OTOGL: variants seen among roughly 807,000 people sequenced by gnomAD.
The protein encoded by OTOGL is otogelin like.
In OTOGL, 285 loss-of-function variants were observed where a neutral mutation model predicts 318.5. The ratio of observed to expected loss-of-function variants is 0.89; its 90% CI spans 0.81 to 0.99. OTOGL has a LOEUF of 0.99. Among genes scored for constraint, OTOGL ranks in the 50% least tolerant of loss-of-function variants. The pLI is 0.00. For synonymous variants in OTOGL, 987 were observed against 936.5 expected (o/e 1.05, Z -0.99); for missense variants, 2,899 against 2,845.6 (o/e 1.02, Z -0.43).
At chr12:80,218,316 T>C (rs1032688956) in intron 5 of OTOGL, among the ~76,000 whole-genome samples, 2 of 152,196 alleles carry the variant, frequency 1.3e-5, no homozygotes, top group Non-Finnish European at 1.5e-5. Context: ...AAACAGCATA[T>C]TTTTTCCTCA....
intron 1 of OTOGL, chr12:80,130,993 G>A (rs1196800916): frequency 6.6e-6 from 1 of 152,116 alleles, no homozygotes; most frequent in Non-Finnish European, 1.5e-5. Context: ...CCCCCCAAAG[G>A]GTTTGGGGAG....
At chr12:80,119,493 G>A (rs1454336168) in intron 1 of OTOGL, among the ~76,000 whole-genome samples, 2 of 152,310 alleles carry the variant, frequency 1.3e-5, no homozygotes, top group East Asian at 3.9e-4. Flanking sequence ...AATGTCGGCC[G>A]TTGTGATTAC....
chr12:80,136,660 G>A (rs7294710), intron 1 of OTOGL, among the ~76,000 whole-genome samples: 97,313 of 151,956 alleles, frequency 0.64, 31,978 homozygotes, highest in African/African-American at 0.78. Context: ...CTAGGCAGCT[G>A]TGAACAACGG....
At chr12:80,132,503 A>C (rs1871302774) in intron 1 of OTOGL, 1 of 152,168 alleles carries the variant, frequency 6.6e-6, no homozygotes, top group African/African-American at 2.4e-5. Context: ...AACTTAATCC[A>C]TGCAGCTAAG....
At chr12:80,142,958 G>T (rs947957493) in intron 1 of OTOGL, among the ~76,000 whole-genome samples, 6 of 152,044 alleles carry the variant, frequency 3.9e-5, no homozygotes, top group Non-Finnish European at 8.8e-5. Flanking sequence ...TGGAGGACTT[G>T]GGACCACTCA....
chr12:80,297,344 T>TCC (rs1885476987), intron 27 of OTOGL, among the ~76,000 whole-genome samples: 1 of 151,414 alleles, frequency 6.6e-6, no homozygotes, highest in African/African-American at 2.4e-5. Flanking sequence ...TTTTTTTTTT[T>TCC]TTTTTGAGAC....
chr12:80,259,131 G>A (rs996537851), intron 18 of OTOGL, among the ~76,000 whole-genome samples: 5 of 150,420 alleles, frequency 3.3e-5, no homozygotes, highest in Non-Finnish European at 7.4e-5. Context: ...TTTAGTGTTA[G>A]GCAAGGATCA....
intron 42 of OTOGL, among the ~76,000 whole-genome samples, chr12:80,337,887 C>CAT (rs1230746382): frequency 1.3e-5 from 2 of 151,978 alleles, no homozygotes; most frequent in African/African-American, 2.4e-5. Flanking sequence ...ATAGCATTTG[C>CAT]ATATACCTTT....
At chr12:80,317,370 CTG>C (rs1180098454) in intron 32 of OTOGL, among the ~76,000 whole-genome samples, 1 of 152,128 alleles carries the variant, frequency 6.6e-6, no homozygotes, top group Admixed American at 6.6e-5. Flanking sequence ...TACCAATTAA[CTG>C]AGAGTCAATT....
intron 37 of OTOGL, among the ~76,000 whole-genome samples, chr12:80,330,041 G>A (rs1003756737): frequency 7.2e-5 from 11 of 152,210 alleles, no homozygotes; most frequent in African/African-American, 2.4e-4. Context: ...AGGACAGCAT[G>A]TGCAAAGTCT....
chr12:80,358,383 A>T (rs755813630), intron 50 of OTOGL, 34 bp downstream of exon 50: 1 of 1,469,934 alleles, frequency 6.8e-7, no homozygotes, highest in Non-Finnish European at 9.3e-7. Context: ...AAATATTTAG[A>T]TGTGTCCAAT....
At chr12:80,323,629 A>T in intron 34 of OTOGL, 94 bp from the exon 35 acceptor site, 1 of 939,050 alleles carries the variant, frequency 1.1e-6, no homozygotes, top group Non-Finnish European at 1.6e-6. Context: ...AGCCTGAGTG[A>T]CAGAGCGAGA....
At chr12:80,157,478 G>C (rs1014784885) in intron 1 of OTOGL, among the ~76,000 whole-genome samples, 6 of 152,084 alleles carry the variant, frequency 3.9e-5, no homozygotes, top group Non-Finnish European at 7.4e-5. Flanking sequence ...TACTTATAGA[G>C]TACTACTCAA....
In OTOGL at chr12:80,318,569, C is replaced by T. The variant is rs1887118961; in HGVS notation, c.3658C>T (p.Leu1220=). Residue 1220 remains leucine, a synonymous_variant, in exon 33 of 59, where the codon CTG becomes TTG. Transcript: ENST00000547103. The part of the protein sequence containing the change: ...NEGLGEGPYM[L]ASYGQSGLVL... Reference sequence around the variant, plus strand: ...AGGACTTGGAGAAGGACCATATATGCTGGCAAGCTATGGGCAGAGTGGCCT... The same window carrying T: ...AGGACTTGGAGAAGGACCATATATGTTGGCAAGCTATGGGCAGAGTGGCCT... 2 of 1,372,550 alleles carry T rather than the reference C, an allele frequency of 1.5e-6. No individual in the cohort carries two copies. Among genetic ancestry groups the T allele is most frequent in the Non-Finnish European group, 1.9e-6 (2 of 1,060,526 alleles). 85.0% of individuals were successfully genotyped at this position (1,372,550 alleles called of 1,614,324 possible). A position where few individuals can be genotyped will look rare whatever the true frequency, so the allele number is the denominator to read the frequency against.
chr12:80,201,061 G>T (rs1028143790), intron 1 of OTOGL, among the ~76,000 whole-genome samples: 1 of 152,178 alleles, frequency 6.6e-6, no homozygotes, highest in Non-Finnish European at 1.5e-5. Flanking sequence ...CCACAACCCT[G>T]TGGCACCTCC....
rs1420025033 is a variant in OTOGL at position 80,354,681 on chromosome 12, A to G, written c.5594-1055A>G. On this transcript the variant is annotated intron_variant, in intron 46 of 58. Coordinates refer to ENST00000547103, the MANE Select transcript of OTOGL (RefSeq NM_001378609.3). ...TTCAGAAACAAGCCAGTGTTTGCCA[A>G]TATAGAAAGTATCTGTGGAAGACTT... is the stretch of plus-strand genomic sequence containing the variant. Among the ~76,000 whole-genome samples the G allele has an allele frequency of 3.3e-5, 5 of 152,218 alleles. No individual in the cohort carries two copies. The East Asian group carries it at 9.6e-4, about 29-fold the overall frequency.
At chr12:80,370,944 A>C in intron 56 of OTOGL, 1 of 206,116 alleles carries the variant, frequency 4.9e-6, no homozygotes, top group Non-Finnish European at 9.5e-6. Context: ...GATTATAGAA[A>C]AATCATTTGG....
intron 1 of OTOGL, among the ~76,000 whole-genome samples, chr12:80,204,080 ACT>A (rs1876646369): frequency 6.6e-6 from 1 of 152,072 alleles, no homozygotes. Context: ...ACTCAGTAAG[ACT>A]CTAATTCACG....
chr12:80,127,836 T>C (rs1437505538), intron 1 of OTOGL, among the ~76,000 whole-genome samples: 3 of 152,226 alleles, frequency 2.0e-5, no homozygotes, highest in Non-Finnish European at 2.9e-5. Flanking sequence ...TAGAGTCAGC[T>C]ACTGAGGCTT....
Sources: gnomAD v4.1 joint callset for allele counts (sites outside exome capture counted in the v4.1 genomes callset) on GRCh38, gnomAD v4.1.1 for gene constraint, MANE v1.5 for transcripts, NCBI Gene and HGNC (gene_info 2026-07-23, HGNC 2026-07-21) for gene names.